The following NMD3 variants were observed in gnomAD, a reference collection of about 807,000 sequenced individuals.
NMD3 encodes NMD3 ribosome export adaptor, also known as 60S ribosomal export protein NMD3.
In NMD3, 47 loss-of-function variants were observed where a neutral mutation model predicts 73.1. The observed-to-expected ratio is 0.64, with a 90% CI of 0.51 to 0.82. The LOEUF is 0.82. Ranked by LOEUF, NMD3 falls within the 40% of genes least tolerant of loss-of-function variation. NMD3 has a pLI of 0.00. For synonymous variants in NMD3, 210 were observed against 194.5 expected, an observed-to-expected ratio of 1.08 and a Z score of -0.66; for missense variants, 554 against 612.5, an observed-to-expected ratio of 0.90 and a Z score of 1.01.
chr3:161,221,773 C>T, intron 1 of NMD3: 1 of 373,288 alleles, frequency 2.7e-6, no homozygotes, highest in Non-Finnish European at 4.8e-6. Flanking sequence ...GGTCTTGCAG[C>T]TGGGAAGCTC....
intron 11 of NMD3, among the ~76,000 whole-genome samples, chr3:161,243,496 C>T (rs557709999): frequency 7.2e-5 from 11 of 152,240 alleles, no homozygotes; most frequent in Non-Finnish European, 1.5e-4. Context: ...CAATTGGAGA[C>T]CACTCATTAA....
At position 161,227,246 on chromosome 3, in the gene NMD3, G is replaced by A. The variant is rs1449700423; in HGVS notation, c.180-1G>A. The A allele has an allele frequency of 6.4e-7, 1 of 1,556,652 alleles. No individual in the cohort carries two copies. The highest frequency in any genetic ancestry group is 8.8e-7 in the Non-Finnish European group (1 of 1,137,088). ...TTTCAGTATGTTATCTTCTCTTTTA[G>A]GTATTTTCAACCACCAGGAACTTGG... On this transcript the variant is annotated splice_acceptor_variant, in intron 3 of 15. Transcript: ENST00000351193. LOFTEE classifies it high-confidence loss of function.
Position 161,250,903 on chromosome 3 carries a change from T to C in NMD3, c.1505T>C (p.Leu502Pro). 6.2e-7 allele frequency: 1 copy of C among 1,611,526 alleles called. No homozygotes were observed. The highest frequency in any genetic ancestry group is 8.5e-7 in the Non-Finnish European group (1 of 1,178,362). Residue 502 changes from leucine to proline, a missense_variant, in exon 16 of 16, where the codon CTG (leucine) becomes CCG (proline). Transcript: ENST00000351193. ...ACTGGTGAAGAAGGTGCATCAATGC[T>C]GACATAATGAGATGTTGTAGACTGT... The part of the protein sequence containing the change: ...DATGEEGASM[L>P]T
chr3:161,248,571 G>T (rs1421370122), intron 13 of NMD3, among the ~76,000 whole-genome samples: 1 of 152,036 alleles, frequency 6.6e-6, no homozygotes, highest in African/African-American at 2.4e-5. Flanking sequence ...GGCTCACTTC[G>T]TTTCACATAC....
intron 2 of NMD3, among the ~76,000 whole-genome samples, chr3:161,222,609 A>C (rs886923867): frequency 7.9e-5 from 12 of 151,254 alleles, no homozygotes; most frequent in African/African-American, 2.9e-4. Flanking sequence ...TTTGCTGTTA[A>C]ATAGGTTTAA....
At chr3:161,237,642 C>T (rs201602326) in intron 7 of NMD3, among the ~76,000 whole-genome samples, 1 of 150,174 alleles carries the variant, frequency 6.7e-6, no homozygotes, top group Non-Finnish European at 1.5e-5. Context: ...TGGATTCAAG[C>T]GATTCTCCTG....
intron 11 of NMD3, among the ~76,000 whole-genome samples, chr3:161,244,516 C>T (rs1366498139): frequency 2.0e-5 from 3 of 152,154 alleles, no homozygotes; most frequent in African/African-American, 7.2e-5. Context: ...AATTAGCTTA[C>T]ATGTACAGGT....
At chr3:161,232,136 C>CT (rs11301799) in intron 4 of NMD3, among the ~76,000 whole-genome samples, 2,568 of 96,362 alleles carry the variant, frequency 0.027, 45 homozygotes, top group African/African-American at 0.035. Flanking sequence ...GCCTTTGGGG[C>CT]TTTTTTTTTT....
At chr3:161,225,475 A>G (rs77382190) in intron 3 of NMD3, among the ~76,000 whole-genome samples, 2,310 of 152,256 alleles carry the variant, frequency 0.015, 39 homozygotes, top group East Asian at 0.07. Context: ...TTAAAAACTC[A>G]TAACATTCAC....
chr3:161,233,318 C>A (rs1001765905), intron 4 of NMD3, 81 bp from the exon 5 acceptor site: 6 of 880,414 alleles, frequency 6.8e-6, no homozygotes, highest in Non-Finnish European at 1.1e-5. Flanking sequence ...ATGAAATCTG[C>A]TTATTGATGA....
At chr3:161,224,699 C>G (rs1376554764) in intron 2 of NMD3, among the ~76,000 whole-genome samples, 2 of 152,118 alleles carry the variant, frequency 1.3e-5, no homozygotes, top group South Asian at 2.1e-4. Context: ...GTTGGCGAGG[C>G]TGGTCTTGAA....
chr3:161,234,670 A>G, intron 5 of NMD3, 57 bp from the exon 6 acceptor site: 2 of 1,459,318 alleles, frequency 1.4e-6, no homozygotes, highest in Middle Eastern at 2.5e-4. Context: ...TTCTTTAAAG[A>G]AAATATTTGT....
At chr3:161,238,219 A>G (rs1339029707) in intron 8 of NMD3, 28 bp downstream of exon 8, 3 of 1,384,726 alleles carry the variant, frequency 2.2e-6, no homozygotes, top group Admixed American at 4.1e-5. Context: ...AATGTGACTA[A>G]ATCTAAGGAC....
chr3:161,250,754 A>G (rs773031299), intron 15 of NMD3, 26 bp from the exon 16 acceptor site: 1 of 1,493,228 alleles, frequency 6.7e-7, no homozygotes, highest in Non-Finnish European at 9.2e-7. Flanking sequence ...CTTTGTATTT[A>G]TTTTATTCTC....
chr3:161,235,152 G>C lies in NMD3; in HGVS notation c.517G>C (p.Glu173Gln). Residue 173 changes from glutamate (E) to glutamine (Q), a missense_variant, in exon 7 of 16, where the codon GAA becomes CAA. Transcript: ENST00000351193. ...TLHKKTFYYL[E>Q]QLILKYGMHQ... is the part of the protein sequence containing the mutation. Reference sequence around the variant, plus strand: ...GCATAAAAAAACTTTCTACTATCTGGAACAGTTAATTCTGAAATATGGAAT... The same window carrying C: ...GCATAAAAAAACTTTCTACTATCTGCAACAGTTAATTCTGAAATATGGAAT... The C allele has an allele frequency of 6.5e-7, 1 of 1,545,642 alleles. No homozygotes were observed. Among genetic ancestry groups the C allele is most frequent in the Non-Finnish European group, 8.9e-7 (1 of 1,129,902 alleles).
At chr3:161,244,174 G>GCC (rs1300947284) in intron 11 of NMD3, among the ~76,000 whole-genome samples, 2 of 152,046 alleles carry the variant, frequency 1.3e-5, no homozygotes, top group Admixed American at 1.3e-4. Flanking sequence ...CGTGTTGTTT[G>GCC]GGCTGGAGTG....
chr3:161,227,135 C>T, intron 3 of NMD3, 112 bp from the exon 4 acceptor site: 7 of 554,114 alleles, frequency 1.3e-5, no homozygotes, highest in Non-Finnish European at 1.9e-5. Context: ...TCATATCATC[C>T]TTGGGTTTTA....
downstream of NMD3, chr3:161,252,704 G>A (rs1737536921): frequency 3.3e-6 from 2 of 601,464 alleles, no homozygotes; most frequent in East Asian, 5.8e-5. Context: ...AAATGCACAA[G>A]AACATGATTT....
chr3:161,241,300 C>G, intron 10 of NMD3, 137 bp downstream of exon 10: 2 of 550,074 alleles, frequency 3.6e-6, no homozygotes, highest in East Asian at 3.3e-5. Flanking sequence ...TTGTTTAATA[C>G]AAAACATTGT....
Sources: allele counts gnomAD v4.1 joint callset (sites outside exome capture counted in the v4.1 genomes callset), GRCh38; gene constraint gnomAD v4.1.1; transcripts MANE v1.5; gene names NCBI Gene and HGNC (gene_info 2026-07-23, HGNC 2026-07-21).